The following EXT2 variants were observed in gnomAD, a reference collection of about 807,000 sequenced individuals.
The protein encoded by EXT2 is exostosin glycosyltransferase 2.
EXT2 carries 53 observed loss-of-function variants against 81.6 expected under a neutral mutation model. The observed-to-expected ratio is 0.65, with a 90% CI of 0.52 to 0.82. The LOEUF (loss-of-function observed/expected upper bound fraction) is 0.82, where lower values mean the gene tolerates loss of function less well. Ranked by LOEUF, EXT2 falls within the 40% of genes least tolerant of loss-of-function variation. EXT2 has a pLI of 0.00. For missense variants in EXT2, 774 were observed against 910.2 expected (o/e 0.85, Z 1.93); for synonymous variants, 320 against 340.0 (o/e 0.94, Z 0.65).
intron 1 of EXT2, among the ~76,000 whole-genome samples, chr11:44,105,387 G>A (rs551685733): frequency 2.8e-4 from 43 of 152,302 alleles, no homozygotes; most frequent in African/African-American, 9.9e-4. Flanking sequence ...CGCCTCCCAG[G>A]TTTAAGTGAC....
chr11:44,129,769 A>G (rs527415281), intron 6 of EXT2, among the ~76,000 whole-genome samples: 2 of 152,340 alleles, frequency 1.3e-5, no homozygotes, highest in African/African-American at 4.8e-5. Context: ...CTGAAATAAT[A>G]CCAGTGTGGC....
chr11:44,109,148 T>C, intron 2 of EXT2, 46 bp from the exon 3 acceptor site: 1 of 1,597,314 alleles, frequency 6.3e-7, no homozygotes, highest in Non-Finnish European at 8.6e-7. Flanking sequence ...TCTTGTCTTT[T>C]CATAGTTGAC....
intron 7 of EXT2, among the ~76,000 whole-genome samples, chr11:44,162,961 T>C (rs1424836656): frequency 6.6e-6 from 1 of 152,188 alleles, no homozygotes; most frequent in Admixed American, 6.5e-5. Flanking sequence ...AAATGATTAG[T>C]ATGTGGATAA....
At chr11:44,156,153 T>G (rs1234784516) in intron 7 of EXT2, among the ~76,000 whole-genome samples, 1 of 152,206 alleles carries the variant, frequency 6.6e-6, no homozygotes, top group Non-Finnish European at 1.5e-5. Context: ...TTTAGGATCC[T>G]TCCTTTTTTC....
In EXT2 at chr11:44,186,790, C is replaced by T. The variant is rs77282538; in HGVS notation, c.1306-11039C>T. Among the ~76,000 whole-genome samples, 840 of 152,238 alleles carry T rather than the reference C, an allele frequency of 5.5e-3. 13 individuals are homozygous for T. Among genetic ancestry groups the T allele is most frequent in the African/African-American group, 0.019 (796 of 41,538 alleles). On this transcript the variant is annotated intron_variant, in intron 8 of 13. Transcript: ENST00000533608. The stretch of plus-strand genomic sequence containing the variant: ...TTACTTACCAAATCTCTCTTTGCAA[C>T]AATTTGCCCATCTGTAGGACTGAAA...
intron 3 of EXT2, among the ~76,000 whole-genome samples, chr11:44,113,886 T>A (rs976313248): frequency 2.0e-5 from 3 of 152,076 alleles, no homozygotes; most frequent in Non-Finnish European, 1.5e-5. Context: ...GTGAATGGGA[T>A]CTGAGGGAGG....
intron 8 of EXT2, among the ~76,000 whole-genome samples, chr11:44,180,229 CAA>C (rs1955216386): frequency 6.6e-6 from 1 of 152,152 alleles, no homozygotes; most frequent in Non-Finnish European, 1.5e-5. Context: ...CTTTTTACTT[CAA>C]GTTAGCACTT....
At chr11:44,172,024 G>A in intron 8 of EXT2, 1 of 468,392 alleles carries the variant, frequency 2.1e-6, no homozygotes, top group Non-Finnish European at 3.9e-6. Context: ...GGAAATCAAA[G>A]ACATCCCGGT....
intron 13 of EXT2, 74 bp from the exon 14 acceptor site, chr11:44,244,075 A>G (rs1956069344): frequency 4.4e-6 from 6 of 1,353,224 alleles, no homozygotes; most frequent in Admixed American, 1.7e-5. Context: ...TGAACATACT[A>G]TCTTTTCTCC....
At chr11:44,241,322 A>G (rs547394876) in intron 13 of EXT2, among the ~76,000 whole-genome samples, 1 of 152,374 alleles carries the variant, frequency 6.6e-6, no homozygotes, top group Non-Finnish European at 1.5e-5. Context: ...TCTTTATTCA[A>G]ATGATGAGTT....
chr11:44,104,324 G>A (rs148993530), intron 1 of EXT2, among the ~76,000 whole-genome samples: 43 of 151,980 alleles, frequency 2.8e-4, no homozygotes, highest in African/African-American at 9.9e-4. Context: ...GTTTTTTGAA[G>A]CTTTATTTAA....
intron 7 of EXT2, among the ~76,000 whole-genome samples, chr11:44,147,111 A>C (rs190475933): frequency 3.7e-4 from 57 of 152,316 alleles, no homozygotes; most frequent in Non-Finnish European, 6.9e-4. Flanking sequence ...ACCTAGATGC[A>C]TCAGCTAGAT....
intron 3 of EXT2, among the ~76,000 whole-genome samples, chr11:44,113,658 A>G (rs960267612): frequency 5.3e-5 from 8 of 152,138 alleles, no homozygotes; most frequent in Non-Finnish European, 2.9e-5. Context: ...CTCTGAGATG[A>G]TGGTGGAAAG....
At chr11:44,164,986 C>T (rs1954975243) in intron 7 of EXT2, among the ~76,000 whole-genome samples, 1 of 150,788 alleles carries the variant, frequency 6.6e-6, no homozygotes, top group Admixed American at 6.6e-5. Context: ...TCACGCCATT[C>T]TCCTGCCTCA....
At chr11:44,226,788 G>T (rs747861679) in intron 10 of EXT2, among the ~76,000 whole-genome samples, 1 of 152,256 alleles carries the variant, frequency 6.6e-6, no homozygotes, top group Non-Finnish European at 1.5e-5. Context: ...GCTCTGTCTT[G>T]GCTGACCCAG....
At chr11:44,135,096 AT>A (rs1421945408) in intron 7 of EXT2, among the ~76,000 whole-genome samples, 8 of 152,238 alleles carry the variant, frequency 5.3e-5, no homozygotes, top group African/African-American at 1.9e-4. Context: ...ATTTAAGAAA[AT>A]AAAACCTCTA....
chr11:44,149,859 A>C (rs1954769860), intron 7 of EXT2, among the ~76,000 whole-genome samples: 1 of 152,204 alleles, frequency 6.6e-6, no homozygotes, highest in African/African-American at 2.4e-5. Flanking sequence ...GTGCTGGTCC[A>C]TGTATTTTCT....
At position 44,096,411 on chromosome 11, in the gene EXT2, C is replaced by T. The variant is rs1309901911; in HGVS notation, c.-31+559C>T. 2.3e-6 allele frequency: 3 copies of T among 1,321,296 alleles called. No individual in the cohort carries two copies. The Admixed American group carries it at 6.1e-5, about 27-fold the overall frequency. The allele number at this position is 1,321,296 out of a possible 1,614,324, so 81.8% of individuals were successfully genotyped here. ...GACTGGGTGACCGGGAACTAGATGGCCGGGGGCGTGTTAGGCCGGGGACTG... is the reference window on the plus strand; with the variant it reads ...GACTGGGTGACCGGGAACTAGATGGTCGGGGGCGTGTTAGGCCGGGGACTG... On this transcript the variant is annotated intron_variant, in intron 1 of 13. Coordinates refer to ENST00000533608, the MANE Select transcript of EXT2 (RefSeq NM_207122.2).
rs1335642978 is a variant in EXT2, at chr11:44,248,135, T to TG, written c.*3853dup. Among the ~76,000 whole-genome samples, 1 of 152,128 alleles carries TG rather than the reference T, an allele frequency of 6.6e-6. No individual in the cohort carries two copies. Among genetic ancestry groups the TG allele is most frequent in the Non-Finnish European group, 1.5e-5 (1 of 68,018 alleles). On this transcript the variant is annotated 3_prime_UTR_variant, in exon 14 of 14. Coordinates refer to ENST00000533608, the MANE Select transcript of EXT2 (RefSeq NM_207122.2). ...TGTTTCCTTTGCTTTGTAGCTCCTT[T>TG]GGGGGTATGCTGCTTTTTCCATTTC...
Sources: allele counts gnomAD v4.1 joint callset (sites outside exome capture counted in the v4.1 genomes callset), GRCh38; gene constraint gnomAD v4.1.1; transcripts MANE v1.5; gene names NCBI Gene and HGNC (gene_info 2026-07-23, HGNC 2026-07-21).